UGT1A5: variants seen among roughly 807,000 people sequenced by gnomAD.
The protein encoded by UGT1A5 is UDP glucuronosyltransferase family 1 member A5, also known as UDP-glucuronosyltransferase 1A5.
In UGT1A5, 29 loss-of-function variants were observed where a neutral mutation model predicts 40.3. That is an observed-to-expected ratio of 0.72 (90% CI 0.54 to 0.98). The LOEUF (loss-of-function observed/expected upper bound fraction) is 0.98. Ranked by LOEUF, UGT1A5 falls within the 50% of genes least tolerant of loss-of-function variation. The pLI, the probability that UGT1A5 is intolerant of heterozygous loss-of-function variation, is 0.00. For synonymous variants in UGT1A5, 257 were observed against 262.5 expected, an observed-to-expected ratio of 0.98 and a Z score of 0.20; for missense variants, 678 against 677.9, an observed-to-expected ratio of 1.00 and a Z score of 0.00.
chr2:233,770,762 T>G (rs745553589), intron 4 of UGT1A5: 1 of 152,220 alleles, frequency 6.6e-6, no homozygotes, highest in Non-Finnish European at 1.5e-5. Flanking sequence ...AATATTACAT[T>G]ATAATAATGT....
chr2:233,746,306 G>A (rs1693354657), intron 1 of UGT1A5, among the ~76,000 whole-genome samples: 2 of 151,750 alleles, frequency 1.3e-5, no homozygotes, highest in Admixed American at 6.5e-5. Flanking sequence ...TTCCCTTGGA[G>A]GGCCCTGTAG....
At chr2:233,771,541 A>C (rs1305136461) in intron 4 of UGT1A5, 1 of 152,298 alleles carries the variant, frequency 6.6e-6, no homozygotes, top group African/African-American at 2.4e-5. Flanking sequence ...TTTGGCACTT[A>C]CAAATGGCTG....
chr2:233,769,664 G>A lies in UGT1A5; in HGVS notation c.1307+1225G>A. ...CTGATGACTGACTTCCCACCTTTGAGGTGCTAATGTGTGTGTGGTGGCACT... is the reference window on the plus strand; with the variant it reads ...CTGATGACTGACTTCCCACCTTTGAAGTGCTAATGTGTGTGTGGTGGCACT... On this transcript the variant is annotated intron_variant, in intron 4 of 4. Coordinates refer to ENST00000373414, the MANE Select transcript of UGT1A5 (RefSeq NM_019078.2). This position sits in a 1 kb window ranked among gnomAD's most constrained non-coding sequence, Gnocchi z 4.4. The A allele has an allele frequency of 6.3e-7, 1 of 1,596,206 alleles. No homozygotes were observed. Among genetic ancestry groups the A allele is most frequent in the African/African-American group, 1.3e-5 (1 of 74,742 alleles).
intron 1 of UGT1A5, among the ~76,000 whole-genome samples, chr2:233,726,510 G>T (rs558172784): frequency 5.9e-4 from 89 of 152,028 alleles, no homozygotes; most frequent in Middle Eastern, 3.4e-3. Context: ...GAATTTCATG[G>T]TACTTTTCCA....
At position 233,772,473 on chromosome 2, in the gene UGT1A5, A is replaced by G. The variant is rs1575871447; in HGVS notation, c.1519A>G (p.Thr507Ala). ...CGTCGTGCTGACAGTGGCCTTCATC[A>G]CCTTTAAATGTTGTGCTTATGGCTA... ...LAVVLTVAFITFKCCAYGYRK... is the reference protein window; with the variant it reads ...LAVVLTVAFIAFKCCAYGYRK... The change falls in exon 5 of 5, where the codon ACC (threonine) becomes GCC (alanine). Residue 507 changes from threonine to alanine, a missense_variant. Coordinates refer to ENST00000373414, the MANE Select transcript of UGT1A5 (RefSeq NM_019078.2). 1.2e-6 allele frequency: 2 copies of G among 1,614,044 alleles called. No homozygotes were observed. The highest frequency in any genetic ancestry group is 1.7e-6 in the Non-Finnish European group (2 of 1,180,014).
intron 3 of UGT1A5, 127 bp downstream of exon 3, chr2:233,768,063 T>A (rs1012824630): frequency 1.3e-6 from 2 of 1,599,680 alleles, no homozygotes; most frequent in African/African-American, 2.7e-5. Context: ...CATTGCTTTT[T>A]ATCTAGTGGG....
At chr2:233,762,940 A>G (rs1474565729) in intron 1 of UGT1A5, among the ~76,000 whole-genome samples, 1 of 152,236 alleles carries the variant, frequency 6.6e-6, no homozygotes, top group Admixed American at 6.5e-5. Context: ...AAACAGTTGA[A>G]TAATTCTGGC....
chr2:233,713,398 C>A lies in UGT1A5; in HGVS notation c.407C>A (p.Ala136Asp), dbSNP rs1193578945. 6.2e-7 allele frequency: 1 copy of A among 1,613,966 alleles called. No homozygotes were observed. The highest frequency in any genetic ancestry group is 1.3e-5 in the African/African-American group (1 of 74,882). ...RSCVELLHNEALIRHLHATSF... is the reference protein window; with the variant it reads ...RSCVELLHNEDLIRHLHATSF... ...TGTGTGGAGCTACTGCATAATGAGG[C>A]CCTGATCAGGCACCTGCATGCTACT... Residue 136 changes from alanine (A) to aspartate (D), a missense_variant, in exon 1 of 5, where the codon GCC (alanine) becomes GAC (aspartate). Ala to Asp is a moderately radical substitution (Grantham distance 126). Coordinates refer to ENST00000373414, the MANE Select transcript of UGT1A5 (RefSeq NM_019078.2).
chr2:233,766,270 CGG>C (rs1699091284), intron 1 of UGT1A5, among the ~76,000 whole-genome samples: 2 of 67,854 alleles, frequency 2.9e-5, no homozygotes, highest in Non-Finnish European at 5.8e-5. Flanking sequence ...GGCCCGGGCT[CGG>C]TGGCCCGGGC....
chr2:233,712,951 A>C lies in UGT1A5; in HGVS notation c.-41A>C. On this transcript the variant is annotated 5_prime_UTR_variant, in exon 1 of 5. Coordinates refer to ENST00000373414, the MANE Select transcript of UGT1A5 (RefSeq NM_019078.2). Reference sequence around the variant, plus strand: ...CGAAGGAAACAATTCTAGGAGGCACAACGTGGGGTGGACAGTCAGCTGTCG... The same window carrying C: ...CGAAGGAAACAATTCTAGGAGGCACCACGTGGGGTGGACAGTCAGCTGTCG... 6.2e-7 allele frequency: 1 copy of C among 1,612,798 alleles called. No homozygotes were observed. The highest frequency in any genetic ancestry group is 2.0e-4 in the Middle Eastern group (1 of 4,890).
chr2:233,727,605 T>G (rs973059053), intron 1 of UGT1A5, among the ~76,000 whole-genome samples: 2 of 152,184 alleles, frequency 1.3e-5, no homozygotes, highest in African/African-American at 4.8e-5. Flanking sequence ...GTTGGAGGAA[T>G]AGTTCAGAGG....
chr2:233,740,339 A>T (rs1249228201), intron 1 of UGT1A5, among the ~76,000 whole-genome samples: 1 of 151,952 alleles, frequency 6.6e-6, no homozygotes, highest in Admixed American at 6.5e-5. Context: ...GAGAAAGTTG[A>T]TGAGAAAGTG....
chr2:233,751,259 G>T (rs1355908720), intron 1 of UGT1A5, among the ~76,000 whole-genome samples: 1 of 151,926 alleles, frequency 6.6e-6, no homozygotes, highest in Non-Finnish European at 1.5e-5. Context: ...GGGGCCTGTA[G>T]CCCCCTTTTT....
chr2:233,747,448 C>A (rs577048097), intron 1 of UGT1A5: 2 of 1,609,000 alleles, frequency 1.2e-6, no homozygotes, highest in East Asian at 4.5e-5. Flanking sequence ...ACCCTGACAA[C>A]CTATGCCATT....
chr2:233,734,931 C>T (rs921627257), intron 1 of UGT1A5, among the ~76,000 whole-genome samples: 9 of 152,162 alleles, frequency 5.9e-5, no homozygotes, highest in Non-Finnish European at 8.8e-5. Flanking sequence ...GCTTTACTTA[C>T]AATCATATGG....
intron 1 of UGT1A5, chr2:233,741,376 C>T (rs1691643846): frequency 6.6e-6 from 1 of 151,824 alleles, no homozygotes; most frequent in Non-Finnish European, 1.5e-5. Flanking sequence ...ACTGCCCATG[C>T]CTTTCTACCA....
At chr2:233,729,634 G>C in intron 1 of UGT1A5, 1 of 1,613,874 alleles carries the variant, frequency 6.2e-7, no homozygotes, top group African/African-American at 1.3e-5. Context: ...GATTCCTACT[G>C]TGTTTTTTTT....
At chr2:233,735,700 G>A (rs940691560) in intron 1 of UGT1A5, among the ~76,000 whole-genome samples, 1 of 151,948 alleles carries the variant, frequency 6.6e-6, no homozygotes, top group African/African-American at 2.4e-5. Context: ...TGTAAGGCAG[G>A]CCTGGTGGTG....
At chr2:233,726,426 T>C (rs554048011) in intron 1 of UGT1A5, among the ~76,000 whole-genome samples, 1 of 152,328 alleles carries the variant, frequency 6.6e-6, no homozygotes, top group East Asian at 1.9e-4. Flanking sequence ...TTCTGTCCAC[T>C]CTTAATCTTA....
Sources: gnomAD v4.1 joint callset for allele counts (sites outside exome capture counted in the v4.1 genomes callset) on GRCh38, gnomAD v4.1.1 for gene constraint, Gnocchi (gnomAD v3.1) non-coding constraint, MANE v1.5 for transcripts, NCBI Gene and HGNC (gene_info 2026-07-23, HGNC 2026-07-21) for gene names.